SNTG1: variants seen among roughly 807,000 people sequenced by gnomAD.
SNTG1 encodes the protein syntrophin gamma 1.
Under a neutral mutation model 74.7 loss-of-function variants are expected in SNTG1, and 39 were observed. The ratio of observed to expected loss-of-function variants is 0.52; its 90% CI spans 0.40 to 0.68. SNTG1 has a LOEUF of 0.68. SNTG1 is among the 30% of genes least tolerant of loss of function. The pLI is 0.00. For missense variants in SNTG1, 685 were observed against 609.5 expected, an observed-to-expected ratio of 1.12 and a Z score of -1.30; for synonymous variants, 254 against 217.1, an observed-to-expected ratio of 1.17 and a Z score of -1.49.
chr8:50,322,389 G>A (rs753786000), intron 2 of SNTG1, among the ~76,000 whole-genome samples: 16 of 152,130 alleles, frequency 1.1e-4, no homozygotes, highest in Non-Finnish European at 2.1e-4. Flanking sequence ...CCACTGGGAA[G>A]TCTGCTGCCA....
rs1369400971 is a variant in SNTG1 at position 50,652,809 on chromosome 8, G to GTAAA, written c.850-4084_850-4081dup. 1.9e-3 allele frequency among the ~76,000 whole-genome samples: 283 copies of GTAAA among 151,322 alleles called. 3 individuals are homozygous for GTAAA. The highest frequency in any genetic ancestry group is 5.9e-4 in the Non-Finnish European group (40 of 67,792). The stretch of plus-strand genomic sequence containing the variant: ...GTGACTGTCTCAAAAACAATAATAA[G>GTAAA]TAAATAAATAAATAAATAATAAATA... On this transcript the variant is annotated intron_variant, in intron 13 of 18. Transcript: ENST00000642720.
chr8:50,270,732 A>G (rs575080868), intron 2 of SNTG1, among the ~76,000 whole-genome samples: 3 of 152,334 alleles, frequency 2.0e-5, no homozygotes, highest in Admixed American at 2.0e-4. Context: ...ATGAATGAAG[A>G]CAAACATGAG....
intron 13 of SNTG1, among the ~76,000 whole-genome samples, chr8:50,593,086 T>C (rs1229234627): frequency 6.6e-6 from 1 of 151,212 alleles, no homozygotes; most frequent in Non-Finnish European, 1.5e-5. Flanking sequence ...ATATTCCTGA[T>C]GTTCTAGGTA....
At chr8:50,454,237 C>G (rs2093482028) in intron 8 of SNTG1, among the ~76,000 whole-genome samples, 1 of 152,184 alleles carries the variant, frequency 6.6e-6, no homozygotes, top group African/African-American at 2.4e-5. Context: ...TGGCTCATGC[C>G]TGTAATCCCA....
intron 1 of SNTG1, among the ~76,000 whole-genome samples, chr8:50,145,742 CA>C (rs1426953631): frequency 6.6e-6 from 1 of 152,006 alleles, no homozygotes; most frequent in East Asian, 1.9e-4. Flanking sequence ...TCCTTATTGT[CA>C]AAAGCACTTT....
rs543498829 is a variant in SNTG1, at chr8:50,598,684, A to G, written c.849+7767A>G. ...CTTTGGTTAATATTGACATTTTAAT[A>G]ATATTAATTATCCCAATCCATGAAC... On this transcript the variant is annotated intron_variant, in intron 13 of 18. Transcript: ENST00000642720. Among the ~76,000 whole-genome samples, 93 of 152,128 alleles carry G rather than the reference A, an allele frequency of 6.1e-4. 3 individuals carry two copies. In the South Asian group the frequency reaches 0.019, roughly 31 times the overall value.
chr8:50,319,512 A>T (rs1003679356), intron 2 of SNTG1, among the ~76,000 whole-genome samples: 1 of 152,206 alleles, frequency 6.6e-6, no homozygotes, highest in Non-Finnish European at 1.5e-5. Context: ...ATCCTCTGCA[A>T]ACAAGGATAA....
chr8:50,362,759 CTTTGTTA>C (rs1446876877), intron 2 of SNTG1, among the ~76,000 whole-genome samples: 1 of 151,980 alleles, frequency 6.6e-6, no homozygotes, highest in African/African-American at 2.4e-5. Context: ...AGGTGCTATG[CTTTGTTA>C]TATATGGTGA....
intron 1 of SNTG1, among the ~76,000 whole-genome samples, chr8:49,923,719 T>C (rs767525074): frequency 2.6e-5 from 4 of 151,970 alleles, no homozygotes; most frequent in Admixed American, 6.6e-5. Flanking sequence ...AAAAAAGGCT[T>C]GGCATCTGAT....
At chr8:50,090,989 G>C (rs902589978) in intron 1 of SNTG1, among the ~76,000 whole-genome samples, 1 of 152,140 alleles carries the variant, frequency 6.6e-6, no homozygotes, top group Non-Finnish European at 1.5e-5. Flanking sequence ...AGATGGTAAA[G>C]AGATGAGGAG....
At chr8:50,279,741 G>A (rs1312631036) in intron 2 of SNTG1, among the ~76,000 whole-genome samples, 1 of 151,330 alleles carries the variant, frequency 6.6e-6, no homozygotes, top group Non-Finnish European at 1.5e-5. Context: ...ATCTCAAAGA[G>A]GTCACTTTGA....
intron 13 of SNTG1, among the ~76,000 whole-genome samples, chr8:50,634,341 G>A (rs2095024741): frequency 6.6e-6 from 1 of 152,194 alleles, no homozygotes; most frequent in Non-Finnish European, 1.5e-5. Flanking sequence ...TGGTCAAATT[G>A]TCTGGGTCAT....
At chr8:50,095,660 T>C (rs1208479016) in intron 1 of SNTG1, among the ~76,000 whole-genome samples, 1 of 152,196 alleles carries the variant, frequency 6.6e-6, no homozygotes, top group Non-Finnish European at 1.5e-5. Context: ...ATGCCCTTAA[T>C]ATTCAGAAAA....
chr8:50,513,167 T>C (rs2094099320), intron 9 of SNTG1, among the ~76,000 whole-genome samples: 1 of 152,202 alleles, frequency 6.6e-6, no homozygotes, highest in Admixed American at 6.5e-5. Flanking sequence ...CTGTTGGAGT[T>C]TGCTGGAGGT....
intron 2 of SNTG1, among the ~76,000 whole-genome samples, chr8:50,291,242 A>AAGCG (rs567146667): frequency 1.3e-5 from 2 of 149,184 alleles, no homozygotes; most frequent in African/African-American, 2.5e-5. Context: ...AGACAGACAT[A>AAGCG]TGTGTGTGTG....
Position 50,516,848 on chromosome 8 carries a change from GA to G in SNTG1, c.467-13326del, listed in dbSNP as rs541610635. Reference sequence around the variant, plus strand: ...TGTGCCTAAAAGTGAAAGGGAGAATGAAACCAAGTTGGAAATCACTCTTCAA... The same window carrying G: ...TGTGCCTAAAAGTGAAAGGGAGAATGAACCAAGTTGGAAATCACTCTTCAA... On this transcript the variant is annotated intron_variant, in intron 9 of 18. Transcript: ENST00000642720. Among the ~76,000 whole-genome samples, 30 of 152,280 alleles carry G rather than the reference GA, an allele frequency of 2.0e-4. No homozygotes were observed. In the East Asian group the frequency reaches 4.6e-3, roughly 23 times the overall value.
chr8:50,044,230 G>A (rs374175018), intron 1 of SNTG1, among the ~76,000 whole-genome samples: 2 of 152,294 alleles, frequency 1.3e-5, no homozygotes, highest in South Asian at 2.1e-4. Flanking sequence ...TTACCAGTAA[G>A]TTAAGAATGT....
intron 2 of SNTG1, among the ~76,000 whole-genome samples, chr8:50,176,944 G>T (rs926184952): frequency 2.0e-5 from 3 of 152,118 alleles, no homozygotes; most frequent in African/African-American, 7.2e-5. Flanking sequence ...CAGTCTTGGT[G>T]ATTCCATCTC....
Position 50,600,412 on chromosome 8 carries a change from C to A in SNTG1, c.849+9495C>A, listed in dbSNP as rs150870499. On this transcript the variant is annotated intron_variant, in intron 13 of 18. Coordinates refer to ENST00000642720, the MANE Select transcript of SNTG1 (RefSeq NM_018967.5). ...GTTTGATAGAATTTAGCAGTGAAGCCATTGGGTCCTCAGATTTTCTTTACT... is the reference window on the plus strand; with the variant it reads ...GTTTGATAGAATTTAGCAGTGAAGCAATTGGGTCCTCAGATTTTCTTTACT... 1.4e-3 allele frequency among the ~76,000 whole-genome samples: 209 copies of A among 152,100 alleles called. 1 individual carries two copies. The highest frequency in any genetic ancestry group is 4.7e-3 in the African/African-American group (195 of 41,518).
Sources: allele counts gnomAD v4.1 joint callset (sites outside exome capture counted in the v4.1 genomes callset), GRCh38; gene constraint gnomAD v4.1.1; transcripts MANE v1.5; gene names NCBI Gene and HGNC (gene_info 2026-07-23, HGNC 2026-07-21).